Variants in ST6GALNAC3 observed in about 807,000 individuals in gnomAD.
The protein encoded by ST6GALNAC3 is ST6 N-acetylgalactosaminide alpha-2,6-sialyltransferase 3.
ST6GALNAC3 carries 25 observed loss-of-function variants against 32.7 expected under a neutral mutation model. The ratio of observed to expected loss-of-function variants is 0.76; its 90% confidence interval spans 0.56 to 1.07. The LOEUF is 1.07. ST6GALNAC3 is among the 50% of genes least tolerant of loss of function. The probability of loss-of-function intolerance (pLI) is 0.00; values close to 1 mark genes in which losing one functional copy is unlikely to be tolerated. For missense variants in ST6GALNAC3, 355 were observed against 382.4 expected, an observed-to-expected ratio of 0.93 and a Z score of 0.60; for synonymous variants, 129 against 133.1, an observed-to-expected ratio of 0.97 and a Z score of 0.21.
intron 2 of ST6GALNAC3, among the ~76,000 whole-genome samples, chr1:76,378,390 G>A (rs764021810): frequency 2.0e-5 from 3 of 152,046 alleles, no homozygotes; most frequent in African/African-American, 4.8e-5. Context: ...GGCTGAGCAC[G>A]GTAGCTCACG....
intron 3 of ST6GALNAC3, among the ~76,000 whole-genome samples, chr1:76,423,461 C>T (rs1347037839): frequency 1.3e-5 from 2 of 151,802 alleles, no homozygotes; most frequent in Non-Finnish European, 2.9e-5. Context: ...GGGAAGCATA[C>T]AATTTAATGA....
chr1:76,198,276 T>G (rs899697287), intron 1 of ST6GALNAC3, among the ~76,000 whole-genome samples: 1 of 152,182 alleles, frequency 6.6e-6, no homozygotes, highest in Non-Finnish European at 1.5e-5. Context: ...GCTCAAGTGA[T>G]CCTCCTGCCT....
intron 1 of ST6GALNAC3, among the ~76,000 whole-genome samples, chr1:76,094,993 C>A (rs1265221871): frequency 2.0e-5 from 3 of 151,742 alleles, no homozygotes; most frequent in East Asian, 3.9e-4. Flanking sequence ...TTATAAACAT[C>A]CATGTGATTT....
At chr1:76,608,048 T>C (rs1237498536) in intron 3 of ST6GALNAC3, among the ~76,000 whole-genome samples, 2 of 152,182 alleles carry the variant, frequency 1.3e-5, no homozygotes, top group Non-Finnish European at 1.5e-5. Flanking sequence ...AGACTCCAAC[T>C]AAAATGTGGT....
chr1:76,118,163 C>T lies in ST6GALNAC3; in HGVS notation c.18+43279C>T, dbSNP rs190063121. On this transcript the variant is annotated intron_variant, in intron 1 of 4. Transcript: ENST00000328299. ...TTGCCCCCGACTCCCTGACGGGCCC[C>T]GGTGTGTGATGTTCCCCTCCCTGTG... Among the ~76,000 whole-genome samples, 23 of 152,166 alleles carry T rather than the reference C, an allele frequency of 1.5e-4. No individual in the cohort carries two copies. In the East Asian group the frequency reaches 3.1e-3, roughly 20 times the overall value.
chr1:76,112,076 C>T (rs1286885603), intron 1 of ST6GALNAC3, among the ~76,000 whole-genome samples: 3 of 149,894 alleles, frequency 2.0e-5, no homozygotes, highest in African/African-American at 7.3e-5. Flanking sequence ...GGCTGACCCC[C>T]CCACCTCCCT....
At chr1:76,507,441 G>T (rs1371910864) in intron 3 of ST6GALNAC3, among the ~76,000 whole-genome samples, 1 of 151,924 alleles carries the variant, frequency 6.6e-6, no homozygotes, top group Non-Finnish European at 1.5e-5. Context: ...CACCTCTCAG[G>T]CCCCCCAACA....
intron 3 of ST6GALNAC3, among the ~76,000 whole-genome samples, chr1:76,437,827 G>A (rs1343693101): frequency 6.6e-6 from 1 of 151,904 alleles, no homozygotes; most frequent in East Asian, 1.9e-4. Context: ...ACCCGCCTCA[G>A]CCTCCCAAAG....
chr1:76,186,071 T>A lies in ST6GALNAC3; in HGVS notation c.18+111187T>A, dbSNP rs142240241. On this transcript the variant is annotated intron_variant, in intron 1 of 4. Coordinates refer to ENST00000328299, the MANE Select transcript of ST6GALNAC3 (RefSeq NM_152996.4). ...TCCTGGTACCAATCCTCCACAGATA[T>A]GGAGGGACCACTGTTCTCTTATACC... 4.6e-5 allele frequency among the ~76,000 whole-genome samples: 7 copies of A among 152,310 alleles called. No homozygotes were observed. In the South Asian group the frequency reaches 8.3e-4, roughly 18 times the overall value.
chr1:76,434,937 T>C lies in ST6GALNAC3; in HGVS notation c.623+22520T>C, dbSNP rs555254447. Among the ~76,000 whole-genome samples, 75 of 151,840 alleles carry C rather than the reference T, an allele frequency of 4.9e-4. 1 individual carries two copies. In the East Asian group the frequency reaches 0.013, roughly 26 times the overall value. On this transcript the variant is annotated intron_variant, in intron 3 of 4. Transcript: ENST00000328299. ...TCTTGAGTAGCTGGGACTACAGGCA[T>C]GCATCACGAGGCCCAGTTAATTTTT...
chr1:76,629,246 T>A lies in ST6GALNAC3; in HGVS notation c.*440T>A. On this transcript the variant is annotated 3_prime_UTR_variant, in exon 5 of 5. Coordinates refer to ENST00000328299, the MANE Select transcript of ST6GALNAC3 (RefSeq NM_152996.4). ...GCAGTTCCGCCATCTTGAAGAATGA[T>A]TGATTGTCAAACACTGACCCAAGAA... 1 of 996,596 alleles carries A rather than the reference T, an allele frequency of 1.0e-6. No homozygotes were observed. The highest frequency in any genetic ancestry group is 1.2e-6 in the Non-Finnish European group (1 of 838,104). The allele number at this position is 996,596 out of a possible 1,614,324, so 61.7% of individuals were successfully genotyped here.
At chr1:76,293,233 G>GT (rs1235368181) in intron 1 of ST6GALNAC3, among the ~76,000 whole-genome samples, 5 of 152,110 alleles carry the variant, frequency 3.3e-5, no homozygotes, top group Non-Finnish European at 5.9e-5. Context: ...CTTACTGAGA[G>GT]TTTTTCAAAT....
At chr1:76,536,852 C>T (rs556322008) in intron 3 of ST6GALNAC3, among the ~76,000 whole-genome samples, 10 of 152,172 alleles carry the variant, frequency 6.6e-5, no homozygotes, top group African/African-American at 2.4e-4. Flanking sequence ...TCTTGGAGAC[C>T]TACAAAGAGA....
intron 1 of ST6GALNAC3, among the ~76,000 whole-genome samples, chr1:76,218,167 T>C (rs1312798362): frequency 6.6e-6 from 1 of 152,118 alleles, no homozygotes; most frequent in East Asian, 1.9e-4. Flanking sequence ...ACCACATCCA[T>C]GCCAATATTT....
chr1:76,411,375 G>T (rs1014078703), intron 2 of ST6GALNAC3, among the ~76,000 whole-genome samples: 9 of 152,068 alleles, frequency 5.9e-5, no homozygotes, highest in Non-Finnish European at 1.0e-4. Context: ...CTAAAAGGAG[G>T]CCTTTCCTTA....
intron 1 of ST6GALNAC3, among the ~76,000 whole-genome samples, chr1:76,091,735 T>G (rs1174850889): frequency 6.6e-6 from 1 of 152,206 alleles, no homozygotes; most frequent in African/African-American, 2.4e-5. Flanking sequence ...CACAGTAATG[T>G]GCTGTATGGG....
intron 3 of ST6GALNAC3, among the ~76,000 whole-genome samples, chr1:76,500,957 T>C (rs1190097639): frequency 1.3e-5 from 2 of 152,216 alleles, no homozygotes; most frequent in Admixed American, 6.5e-5. Context: ...TCTATAATTA[T>C]ATGTAACTAC....
chr1:76,305,992 G>A, intron 1 of ST6GALNAC3: 1 of 491,174 alleles, frequency 2.0e-6, no homozygotes, highest in Non-Finnish European at 4.1e-6. Flanking sequence ...CATATAACTG[G>A]TTCAGAAATT....
chr1:76,208,948 A>T (rs570825788), intron 1 of ST6GALNAC3, among the ~76,000 whole-genome samples: 1 of 152,184 alleles, frequency 6.6e-6, no homozygotes, highest in South Asian at 2.1e-4. Flanking sequence ...CCCAGTTACC[A>T]GTTTATTTGG....
Sources: allele counts gnomAD v4.1 joint callset (sites outside exome capture counted in the v4.1 genomes callset), GRCh38; gene constraint gnomAD v4.1.1; transcripts MANE v1.5; gene names NCBI Gene and HGNC (gene_info 2026-07-23, HGNC 2026-07-21).